The following SLC6A3 variants were observed in gnomAD, a reference collection of about 807,000 sequenced individuals.
SLC6A3 encodes the protein solute carrier family 6 member 3.
A neutral mutation model predicts 70.4 loss-of-function variants in SLC6A3; 19 were observed. The ratio of observed to expected loss-of-function variants is 0.27; its 90% CI spans 0.19 to 0.40. The LOEUF (loss-of-function observed/expected upper bound fraction) is 0.40, where lower values mean the gene tolerates loss of function less well. SLC6A3 is among the 10% of genes least tolerant of loss of function. The pLI, the probability that SLC6A3 is intolerant of heterozygous loss-of-function variation, is 1.00. For synonymous variants in SLC6A3, 368 were observed against 356.6 expected (o/e 1.03, Z -0.36); for missense variants, 613 against 838.5 (o/e 0.73, Z 3.32).
At chr5:1,444,907 C>A (rs1171400367) in intron 1 of SLC6A3, among the ~76,000 whole-genome samples, 1 of 152,248 alleles carries the variant, frequency 6.6e-6, no homozygotes, top group Non-Finnish European at 1.5e-5. Context: ...CCCGCGCCCG[C>A]CACCACCCCC....
chr5:1,424,428 C>T (rs1756532830), intron 4 of SLC6A3, among the ~76,000 whole-genome samples: 1 of 152,226 alleles, frequency 6.6e-6, no homozygotes, highest in Non-Finnish European at 1.5e-5. Context: ...TCTGAGGCCT[C>T]CCAGCAACTT....
rs759848180 is a variant in SLC6A3 at position 1,409,016 on chromosome 5, C to T, written c.1498+10G>A. ...AGGGTGCCGGCTTGGCTGCCTTCCC[C>T]CGGACTCACCATAGAACCAGGCCAC... On this transcript the variant is annotated intron_variant, in intron 11 of 14. Transcript: ENST00000270349. The T allele has an allele frequency of 5.8e-5, 92 of 1,599,890 alleles. No homozygotes were observed. The Admixed American group carries it at 1.4e-3, about 25-fold the overall frequency.
chr5:1,444,718 C>A (rs1733757750), intron 1 of SLC6A3, among the ~76,000 whole-genome samples: 1 of 152,242 alleles, frequency 6.6e-6, no homozygotes. Context: ...GCCGCCGCCG[C>A]CCTGGGGCCA....
rs1180948495 is a variant in SLC6A3, at chr5:1,405,779, G to A, written c.1599+409C>T. ...CTTGCGTGAGCAACGGGACAGGGCC[G>A]AGGCCCCTGCTGCTCTCATCCAGCA... On this transcript the variant is annotated intron_variant, in intron 12 of 14. Coordinates refer to ENST00000270349, the MANE Select transcript of SLC6A3 (RefSeq NM_001044.5). The surrounding 1 kb of genome is among the most constrained non-coding windows in gnomAD (Gnocchi z 5.3). Among the ~76,000 whole-genome samples the A allele has an allele frequency of 6.6e-6, 1 of 152,230 alleles. No individual in the cohort carries two copies. The highest frequency in any genetic ancestry group is 1.5e-5 in the Non-Finnish European group (1 of 68,036).
At chr5:1,412,798 C>T (rs1756159971) in intron 8 of SLC6A3, among the ~76,000 whole-genome samples, 1 of 152,234 alleles carries the variant, frequency 6.6e-6, no homozygotes. Context: ...AGGCCAGAGC[C>T]AGGGGCCGTT....
chr5:1,396,804 G>T lies in SLC6A3; in HGVS notation c.1840-2046C>A, dbSNP rs1490915080. On this transcript the variant is annotated intron_variant, in intron 14 of 14. Transcript: ENST00000270349. This position sits in a 1 kb window ranked among gnomAD's most constrained non-coding sequence, Gnocchi z 7.0. ...TGCATAAGGTCTTGCTTCAGTAGGG[G>T]TTGGTTAGGGCTACACCAAATGCTG... Among the ~76,000 whole-genome samples, 3 of 152,226 alleles carry T rather than the reference G, an allele frequency of 2.0e-5. No individual in the cohort carries two copies. Among genetic ancestry groups the T allele is most frequent in the African/African-American group, 7.2e-5 (3 of 41,464 alleles).
In SLC6A3 at chr5:1,438,950, A is replaced by G. The variant is rs1756903338; in HGVS notation, c.418+2409T>C. On this transcript the variant is annotated intron_variant, in intron 3 of 14. Transcript: ENST00000270349. This position sits in a 1 kb window ranked among gnomAD's most constrained non-coding sequence, Gnocchi z 6.5. Reference sequence around the variant, plus strand: ...CCTCAGATACTCTCCAACACGGACCACGGTGCAAGCTCAGCATCGCTTACG... The same window carrying G: ...CCTCAGATACTCTCCAACACGGACCGCGGTGCAAGCTCAGCATCGCTTACG... 6.6e-6 allele frequency among the ~76,000 whole-genome samples: 1 copy of G among 152,188 alleles called. No individual in the cohort carries two copies. Among genetic ancestry groups the G allele is most frequent in the African/African-American group, 2.4e-5 (1 of 41,438 alleles).
At position 1,442,675 on chromosome 5, in the gene SLC6A3, G is replaced by A. The variant is rs983428442; in HGVS notation, c.286+237C>T. ...CCGCCCCCCACCCCCCAGCTTCTTC[G>A]CGGGCCTCCCTTTCCTAAACTCTGA... On this transcript the variant is annotated intron_variant, in intron 2 of 14. Coordinates refer to ENST00000270349, the MANE Select transcript of SLC6A3 (RefSeq NM_001044.5). This position sits in a 1 kb window ranked among gnomAD's most constrained non-coding sequence, Gnocchi z 5.0. Among the ~76,000 whole-genome samples, 14 of 150,956 alleles carry A rather than the reference G, an allele frequency of 9.3e-5. No homozygotes were observed. The highest frequency in any genetic ancestry group is 2.2e-4 in the African/African-American group (9 of 40,954).
rs1410903855 is a variant in SLC6A3, at chr5:1,414,455, AGGGCG to A, written c.1156+231_1156+235del. Among the ~76,000 whole-genome samples, 160 of 124,964 alleles carry A rather than the reference AGGGCG, an allele frequency of 1.3e-3. 1 individual carries two copies. Among genetic ancestry groups the A allele is most frequent in the African/African-American group, 4.6e-3 (140 of 30,352 alleles). 82.0% of individuals were successfully genotyped at this position (124,964 alleles called of 152,430 possible). A position where few individuals can be genotyped will look rare whatever the true frequency, so the allele number is the denominator to read the frequency against. ...CACTGGGTGGGGGGCCGGGAGGGGCAGGGCGGGGAAGGCGCTGGGTGGGGGGCCTG... is the reference window on the plus strand; with the variant it reads ...CACTGGGTGGGGGGCCGGGAGGGGCAGGGAAGGCGCTGGGTGGGGGGCCTG... On this transcript the variant is annotated intron_variant, in intron 8 of 14. Coordinates refer to ENST00000270349, the MANE Select transcript of SLC6A3 (RefSeq NM_001044.5).
At chr5:1,440,739 A>G (rs1408310478) in intron 3 of SLC6A3, among the ~76,000 whole-genome samples, 1 of 151,930 alleles carries the variant, frequency 6.6e-6, no homozygotes. Flanking sequence ...CACAGGGAGA[A>G]GACAATCTCT....
chr5:1,402,954 T>G lies in SLC6A3; in HGVS notation c.1735A>C (p.Lys579Gln). The G allele has an allele frequency of 1.2e-6, 2 of 1,613,930 alleles. No individual in the cohort carries two copies. The highest frequency in any genetic ancestry group is 1.7e-6 in the Non-Finnish European group (2 of 1,179,992). Residue 579 changes from lysine (K) to glutamine (Q), a missense_variant, in exon 13 of 15, where the codon AAG becomes CAG. By Grantham distance (53) the Lys-to-Gln change is moderately conservative. Coordinates refer to ENST00000270349, the MANE Select transcript of SLC6A3 (RefSeq NM_001044.5). The surrounding 1 kb of genome is among the most constrained non-coding windows in gnomAD (Gnocchi z 8.5). Reference sequence around the variant, plus strand: ...AAGGACCCAGGCAGGCTGCAGAACTTGTAGGCCGCATAGATGGGCACCATG... The same window carrying G: ...AAGGACCCAGGCAGGCTGCAGAACTGGTAGGCCGCATAGATGGGCACCATG... ...MAMVPIYAAY[K>Q]FCSLPGSFRE...
In SLC6A3 at chr5:1,414,721, T is replaced by C; in HGVS notation, c.1126A>G (p.Ser376Gly). 3 of 1,612,630 alleles carry C rather than the reference T, an allele frequency of 1.9e-6. No homozygotes were observed. The highest frequency in any genetic ancestry group is 2.5e-6 in the Non-Finnish European group (3 of 1,179,812). ...SFLGYMAQKH[S>G]VPIGDVAKDG... is the part of the protein sequence containing the mutation. The stretch of plus-strand genomic sequence containing the variant: ...TTGGCCACGTCCCCGATGGGCACAC[T>C]GTGCTTCTGTGCCATGTACCCCAGG... The change falls in exon 8 of 15, where the codon AGT (serine) becomes GGT (glycine). Residue 376 changes from serine to glycine, a missense_variant. This residue lies in a region of SLC6A3 where 348 missense variants were observed against 481.2 expected (regional missense o/e 0.72). Transcript: ENST00000270349.
intron 4 of SLC6A3, among the ~76,000 whole-genome samples, chr5:1,423,932 C>G (rs1756520857): frequency 6.6e-6 from 1 of 152,236 alleles, no homozygotes; most frequent in Non-Finnish European, 1.5e-5. Flanking sequence ...ACCTGACACC[C>G]ATGGTGGAGC....
rs2254408 is a variant in SLC6A3 at position 1,442,859 on chromosome 5, C to A, written c.286+53G>T. The A allele has an allele frequency of 0.52, 823,320 of 1,596,902 alleles. 218,947 individuals carry two copies. Among genetic ancestry groups the A allele is most frequent in the African/African-American group, 0.54 (40,527 of 74,474 alleles). On this transcript the variant is annotated intron_variant, in intron 2 of 14. Transcript: ENST00000270349. The surrounding 1 kb of genome is among the most constrained non-coding windows in gnomAD (Gnocchi z 5.0). ...CCGTACGTGCCTTGGCCCCGGCTGC[C>A]CCTACGACCCCCGCCCGGCCAGCAT...
At chr5:1,424,788 C>A (rs1458378610) in intron 4 of SLC6A3, among the ~76,000 whole-genome samples, 1 of 152,202 alleles carries the variant, frequency 6.6e-6, no homozygotes, top group East Asian at 1.9e-4. Context: ...TGGGTCGAGC[C>A]CCTTCTCGAG....
rs374189997 is a variant in SLC6A3 at position 1,432,294 on chromosome 5, A to C, written c.653+170T>G. ...TTGCTGAGCTCCTGGAGACCACCAC[A>C]GTGATTCAGAAATGTGCCCCTCCAG... On this transcript the variant is annotated intron_variant, in intron 4 of 14. Transcript: ENST00000270349. Among the ~76,000 whole-genome samples the C allele has an allele frequency of 6.6e-5, 10 of 152,240 alleles. No homozygotes were observed. In the South Asian group the frequency reaches 1.7e-3, roughly 25 times the overall value.
In SLC6A3 at chr5:1,432,505, G is replaced by C. The variant is rs754219464; in HGVS notation, c.612C>G (p.Leu204=). Residue 204 remains leucine (L), a synonymous_variant, in exon 4 of 15, where the codon CTC becomes CTG. Transcript: ENST00000270349. ...CAGGTGTGGTCCCAAAAGTGTCGTTGAGGCCCGAGCTGTCTCCACTGGAGT... is the reference window on the plus strand; with the variant it reads ...CAGGTGTGGTCCCAAAAGTGTCGTTCAGGCCCGAGCTGTCTCCACTGGAGT... ...PGDSSGDSSG[L]NDTFGTTPAA... 1.2e-6 allele frequency: 2 copies of C among 1,614,118 alleles called. No individual in the cohort carries two copies. Among genetic ancestry groups the C allele is most frequent in the Non-Finnish European group, 1.7e-6 (2 of 1,180,046 alleles).
At position 1,406,361 on chromosome 5, in the gene SLC6A3, C is replaced by A. The variant is rs566587821; in HGVS notation, c.1499-73G>T. ...CCCGATGCTGGACACGTGTGGGGGT[C>A]CTCGCTGACTCCCAAGGGCCCCACC... On this transcript the variant is annotated intron_variant, in intron 11 of 14. Transcript: ENST00000270349. The surrounding 1 kb of genome is among the most constrained non-coding windows in gnomAD (Gnocchi z 8.8). 35 of 1,283,574 alleles carry A rather than the reference C, an allele frequency of 2.7e-5. No homozygotes were observed. The African/African-American group carries it at 4.7e-4, about 17-fold the overall frequency. The allele number at this position is 1,283,574 out of a possible 1,614,324, so 79.5% of individuals were successfully genotyped here. A position where few individuals can be genotyped will look rare whatever the true frequency, so the allele number is the denominator to read the frequency against.
At chr5:1,418,038 T>C (rs997726435) in intron 6 of SLC6A3, among the ~76,000 whole-genome samples, 3 of 152,214 alleles carry the variant, frequency 2.0e-5, no homozygotes, top group African/African-American at 7.2e-5. Context: ...CAGTCAGGAC[T>C]CTGCAGGTGG....
Sources: allele counts gnomAD v4.1 joint callset (sites outside exome capture counted in the v4.1 genomes callset), GRCh38; gene constraint gnomAD v4.1.1; regional missense constraint gnomAD v4.1.1; non-coding constraint Gnocchi (gnomAD v3.1); transcripts MANE v1.5; gene names NCBI Gene and HGNC (gene_info 2026-07-23, HGNC 2026-07-21).